BCAT1: variants seen among roughly 807,000 people sequenced by gnomAD.
BCAT1 encodes the protein branched-chain-amino-acid aminotransferase, cytosolic.
Under a neutral mutation model 52.4 loss-of-function variants are expected in BCAT1, and 48 were observed. The observed-to-expected ratio is 0.92, with a 90% CI of 0.73 to 1.16. BCAT1 has a LOEUF of 1.16. Ranked by LOEUF, BCAT1 falls within the 50% of genes most tolerant of loss-of-function variation. BCAT1 has a pLI of 0.00. For synonymous variants in BCAT1, 167 were observed against 161.3 expected, an observed-to-expected ratio of 1.04 and a Z score of -0.27; for missense variants, 451 against 457.1, an observed-to-expected ratio of 0.99 and a Z score of 0.12.
chr12:24,898,321 T>G (rs1447384269), intron 2 of BCAT1, among the ~76,000 whole-genome samples: 1 of 143,516 alleles, frequency 7.0e-6, no homozygotes, highest in Non-Finnish European at 1.6e-5. Flanking sequence ...CATATGTTTG[T>G]GGAAGAATTG....
chr12:24,822,051 A>T (rs1940160826), intron 10 of BCAT1, among the ~76,000 whole-genome samples: 1 of 152,200 alleles, frequency 6.6e-6, no homozygotes. Flanking sequence ...GATGGTGAGT[A>T]ACTGGAACAG....
chr12:24,857,662 C>T (rs1235024104), intron 5 of BCAT1, among the ~76,000 whole-genome samples: 2 of 152,134 alleles, frequency 1.3e-5, no homozygotes, highest in Non-Finnish European at 2.9e-5. Flanking sequence ...TGAGGGAGCA[C>T]CACAGGCTCC....
At chr12:24,862,351 C>G (rs1414035486) in intron 5 of BCAT1, among the ~76,000 whole-genome samples, 1 of 152,210 alleles carries the variant, frequency 6.6e-6, no homozygotes, top group African/African-American at 2.4e-5. Context: ...ACCAGTGCTT[C>G]TGAAAGACTG....
intron 7 of BCAT1, among the ~76,000 whole-genome samples, chr12:24,841,719 A>G (rs1005112256): frequency 6.6e-6 from 1 of 152,096 alleles, no homozygotes; most frequent in Non-Finnish European, 1.5e-5. Flanking sequence ...CCTGACCAAC[A>G]TGGTGAAACC....
rs919307673 is a variant in BCAT1 at position 24,815,778 on chromosome 12, T to C, written c.*2230A>G. 1 of 152,212 alleles carries C rather than the reference T, an allele frequency of 6.6e-6. No homozygotes were observed. Among genetic ancestry groups the C allele is most frequent in the Non-Finnish European group, 1.5e-5 (1 of 68,030 alleles). The allele number at this position is 152,212 out of a possible 1,614,324, so 9.4% of individuals were successfully genotyped here. ...TTTTATGAAAGAAATGATACAAACA[T>C]AATGTTCTCTAACTTTCACAATGGA... is the stretch of plus-strand genomic sequence containing the variant. On this transcript the variant is annotated 3_prime_UTR_variant, in exon 11 of 11. Coordinates refer to ENST00000261192, the MANE Select transcript of BCAT1 (RefSeq NM_005504.7).
At chr12:24,875,010 A>AC (rs1942288634) in intron 5 of BCAT1, among the ~76,000 whole-genome samples, 2 of 151,910 alleles carry the variant, frequency 1.3e-5, no homozygotes, top group South Asian at 4.2e-4. Flanking sequence ...CAGGACCAAA[A>AC]AAAAAAAAAA....
chr12:24,862,747 C>T (rs902201846), intron 5 of BCAT1, among the ~76,000 whole-genome samples: 1 of 152,096 alleles, frequency 6.6e-6, no homozygotes, highest in Admixed American at 6.6e-5. Flanking sequence ...TGAGCCCCAT[C>T]ATTCTTCAGT....
At chr12:24,902,790 G>A (rs1338661143) in intron 1 of BCAT1, 19 of 1,083,164 alleles carry the variant, frequency 1.8e-5, no homozygotes, top group Non-Finnish European at 2.4e-5. Flanking sequence ...GGGCAGGGAT[G>A]CGGGGAAGGG....
At chr12:24,842,538 C>G (rs1329124298) in intron 6 of BCAT1, among the ~76,000 whole-genome samples, 2 of 152,080 alleles carry the variant, frequency 1.3e-5, no homozygotes, top group Admixed American at 6.5e-5. Context: ...TATGTTTCCA[C>G]ACACCAAGCA....
At chr12:24,885,311 C>T (rs1942627609) in intron 3 of BCAT1, among the ~76,000 whole-genome samples, 3 of 152,000 alleles carry the variant, frequency 2.0e-5, no homozygotes. Flanking sequence ...TTAAAAGATA[C>T]AGTACTTAGG....
rs543822191 is a variant in BCAT1, at chr12:24,920,393, T to C, written c.7-18508A>G. ...AGGGCTGAGAAGTAATGCTTGACCT[T>C]AGATGCTCCATAAATCCTCTTGGCA... is the stretch of plus-strand genomic sequence containing the variant. On this transcript the variant is annotated intron_variant, in intron 1 of 10. Coordinates refer to ENST00000261192, the MANE Select transcript of BCAT1 (RefSeq NM_005504.7). 1.7e-4 allele frequency among the ~76,000 whole-genome samples: 26 copies of C among 152,344 alleles called. No individual in the cohort carries two copies. In the South Asian group the frequency reaches 5.2e-3, roughly 30 times the overall value.
chr12:24,828,483 T>C (rs902312814), intron 10 of BCAT1, among the ~76,000 whole-genome samples: 1 of 152,142 alleles, frequency 6.6e-6, no homozygotes. Context: ...ATCGAGGATG[T>C]ACTGTCCATA....
chr12:24,847,625 G>A (rs1941387060), intron 6 of BCAT1, among the ~76,000 whole-genome samples: 1 of 152,202 alleles, frequency 6.6e-6, no homozygotes, highest in Non-Finnish European at 1.5e-5. Context: ...GAGAAAGAGA[G>A]AGAGAGTGAC....
chr12:24,832,357 A>G (rs1172828818), intron 9 of BCAT1, among the ~76,000 whole-genome samples: 2 of 129,120 alleles, frequency 1.5e-5, no homozygotes, highest in East Asian at 5.0e-4. Flanking sequence ...TCATCTGGAT[A>G]AACTGTCCCA....
chr12:24,940,529 T>C (rs1472758473), intron 1 of BCAT1, among the ~76,000 whole-genome samples: 1 of 152,210 alleles, frequency 6.6e-6, no homozygotes, highest in African/African-American at 2.4e-5. Context: ...TCTAATGTTA[T>C]TGAATTTTTA....
intron 1 of BCAT1, among the ~76,000 whole-genome samples, chr12:24,908,221 G>A (rs1263746778): frequency 2.0e-5 from 3 of 151,698 alleles, no homozygotes; most frequent in Non-Finnish European, 4.4e-5. Flanking sequence ...TCCTCTACTC[G>A]TTGTCTTCCC....
chr12:24,810,183 C>T lies in BCAT1; in HGVS notation c.*7825G>A, dbSNP rs1164499580. The T allele has an allele frequency of 6.6e-6, 1 of 150,776 alleles. No homozygotes were observed. Among genetic ancestry groups the T allele is most frequent in the Non-Finnish European group, 1.5e-5 (1 of 67,994 alleles). The allele number at this position is 150,776 out of a possible 1,614,324, so 9.3% of individuals were successfully genotyped here. On this transcript the variant is annotated 3_prime_UTR_variant, in exon 11 of 11. Coordinates refer to ENST00000261192, the MANE Select transcript of BCAT1 (RefSeq NM_005504.7). ...GAGAACAAGCCCAGTGATTATTCTACAGACCATAGGAAGCATCTACACCTC... is the reference window on the plus strand; with the variant it reads ...GAGAACAAGCCCAGTGATTATTCTATAGACCATAGGAAGCATCTACACCTC...
At chr12:24,881,205 T>A in intron 4 of BCAT1, 96 bp downstream of exon 4, 1 of 882,436 alleles carries the variant, frequency 1.1e-6, no homozygotes, top group African/African-American at 1.7e-5. Flanking sequence ...TTGTACTGAA[T>A]ATTTATCTAA....
In BCAT1 at chr12:24,815,369, A is replaced by G. The variant is rs1939839724; in HGVS notation, c.*2639T>C. 6.6e-6 allele frequency: 1 copy of G among 152,658 alleles called. No individual in the cohort carries two copies. 9.5% of individuals were successfully genotyped at this position (152,658 alleles called of 1,614,324 possible). On this transcript the variant is annotated 3_prime_UTR_variant, in exon 11 of 11. Coordinates refer to ENST00000261192, the MANE Select transcript of BCAT1 (RefSeq NM_005504.7). ...ATTAAATAATTGCAGCCAATTATGC[A>G]AATATCAGCAACAATATTAATTTGT...
Sources: gnomAD v4.1 joint callset for allele counts (sites outside exome capture counted in the v4.1 genomes callset) on GRCh38, gnomAD v4.1.1 for gene constraint, MANE v1.5 for transcripts, NCBI Gene and HGNC (gene_info 2026-07-23, HGNC 2026-07-21) for gene names.